IRX6: variants seen among roughly 807,000 people sequenced by gnomAD.
The protein encoded by IRX6 is iroquois-class homeodomain protein IRX-6.
IRX6 carries 46 observed loss-of-function variants against 47.7 expected under a neutral mutation model. The observed-to-expected ratio is 0.96, with a 90% CI of 0.76 to 1.23. The LOEUF is 1.23. Ranked by LOEUF, IRX6 falls within the 50% of genes most tolerant of loss-of-function variation. IRX6 has a pLI of 0.00. For synonymous variants in IRX6, 265 were observed against 246.2 expected (o/e 1.08, Z -0.72); for missense variants, 722 against 588.0 (o/e 1.23, Z -2.36).
In IRX6 at chr16:55,324,277, A is replaced by C. The variant is rs1960470318; in HGVS notation, c.-815A>C. On this transcript the variant is annotated 5_prime_UTR_variant, in exon 1 of 6. Transcript: ENST00000290552. This position sits in a 1 kb window ranked among gnomAD's most constrained non-coding sequence, Gnocchi z 4.4. ...CTCCCCCACGCGCCTCTGTTCACTC[A>C]GACTCCTGTCTCCCCTCTCCCCTCC... is the stretch of plus-strand genomic sequence containing the variant. 3.7e-5 allele frequency: 4 copies of C among 108,620 alleles called. No individual in the cohort carries two copies. In the Admixed American group the frequency reaches 5.2e-4, roughly 14 times the overall value. 6.7% of individuals were successfully genotyped at this position (108,620 alleles called of 1,614,324 possible).
rs1960503401 is a variant in IRX6, at chr16:55,325,545, GAGAGAGAGAGAGAGAGAAAGAA to G, written c.45+415_45+436del. On this transcript the variant is annotated intron_variant, in intron 1 of 5. Transcript: ENST00000290552. ...AAGGAAGGAAGGAGAGAGAGAGAGAGAGAGAGAGAGAGAGAGAAAGAAAGAGAAAGAAAGAAAGAAGGAAAGA... is the reference window on the plus strand; with the variant it reads ...AAGGAAGGAAGGAGAGAGAGAGAGAGAGAGAAAGAAAGAAAGAAGGAAAGA... Among the ~76,000 whole-genome samples, 12 of 12,118 alleles carry G rather than the reference GAGAGAGAGAGAGAGAGAAAGAA, an allele frequency of 9.9e-4. 5 individuals carry two copies. Among genetic ancestry groups the G allele is most frequent in the Admixed American group, 6.4e-3 (6 of 936 alleles). 7.9% of individuals were successfully genotyped at this position (12,118 alleles called of 152,430 possible). A position where few individuals can be genotyped will look rare whatever the true frequency, so the allele number is the denominator to read the frequency against.
Position 55,327,811 on chromosome 16 carries a change from G to C in IRX6, c.639G>C (p.Ala213=). The part of the protein sequence containing the change: ...RLKKENKMTW[A]PKNKGGEERK... The stretch of plus-strand genomic sequence containing the variant: ...AGAAAGAGAACAAAATGACATGGGC[G>C]CCCAAGAACAAAGGTGGGGAGGAGA... Residue 213 remains alanine (A), a synonymous_variant, in exon 4 of 6, where the codon GCG becomes GCC. Transcript: ENST00000290552. 1.9e-6 allele frequency: 3 copies of C among 1,613,022 alleles called. No homozygotes were observed. The highest frequency in any genetic ancestry group is 2.5e-6 in the Non-Finnish European group (3 of 1,179,852).
chr16:55,326,729 T>A, intron 2 of IRX6, 136 bp downstream of exon 2: 1 of 836,208 alleles, frequency 1.2e-6, no homozygotes, highest in Non-Finnish European at 1.8e-6. Flanking sequence ...AAAAATACAG[T>A]ACCTTACAGT....
rs763870755 is a variant in IRX6 at position 55,328,862 on chromosome 16, C to A, written c.884C>A (p.Pro295Gln). 6.2e-7 allele frequency: 1 copy of A among 1,612,892 alleles called. No individual in the cohort carries two copies. Among genetic ancestry groups the A allele is most frequent in the South Asian group, 1.1e-5 (1 of 91,082 alleles). The change falls in exon 5 of 6, where the codon CCG becomes CAG. Residue 295 changes from proline to glutamine, a missense_variant. By Grantham distance (76) the Pro-to-Gln change is moderately conservative. Coordinates refer to ENST00000290552, the MANE Select transcript of IRX6 (RefSeq NM_024335.3). ...FRKGAQSLPG[P>Q]CAAAREGRLE... ...AAGGGCGCGCAGTCACTGCCTGGGC[C>A]GTGCGCTGCAGCTCGAGAGGGCCGA...
chr16:55,330,261 AC>A, intron 5 of IRX6, 36 bp from the exon 6 acceptor site: 1 of 1,610,194 alleles, frequency 6.2e-7, no homozygotes, highest in Non-Finnish European at 8.5e-7. Flanking sequence ...TTGCCACTAA[AC>A]AGCCTTTGGG....
intron 4 of IRX6, among the ~76,000 whole-genome samples, chr16:55,328,349 C>T (rs1422030506): frequency 6.6e-6 from 1 of 152,166 alleles, no homozygotes; most frequent in Non-Finnish European, 1.5e-5. Flanking sequence ...ATAACAGCAG[C>T]CACTTGTAGA....
At chr16:55,327,468 G>T (rs1340921178) in intron 3 of IRX6, 63 bp downstream of exon 3, 3 of 1,569,644 alleles carry the variant, frequency 1.9e-6, no homozygotes, top group Non-Finnish European at 2.6e-6. Context: ...TGCCAAGGTA[G>T]GGTGGATGGC....
chr16:55,329,764 CTG>C (rs1478001496), intron 5 of IRX6, among the ~76,000 whole-genome samples: 1 of 152,218 alleles, frequency 6.6e-6, no homozygotes, highest in Non-Finnish European at 1.5e-5. Context: ...AAGTCTAAGA[CTG>C]TGGGCCAGAC....
chr16:55,325,192 T>C (rs1258721367), intron 1 of IRX6, 56 bp downstream of exon 1: 3 of 1,555,444 alleles, frequency 1.9e-6, no homozygotes, highest in Non-Finnish European at 2.7e-6. Flanking sequence ...GAGTGCCTAG[T>C]GCACGGCGCC....
chr16:55,328,721 C>G lies in IRX6; in HGVS notation c.743C>G (p.Ala248Gly). ...DTKEVTASQE[A>G]RGLRLSDLED... is the part of the protein sequence containing the mutation. ...GCAGAAGTTACTGCTAGCCAGGAGG[C>G]CCGGGGGCTCCGGCTGAGTGACCTG... Residue 248 changes from alanine to glycine, a missense_variant, in exon 5 of 6, where the codon GCC (alanine) becomes GGC (glycine). Coordinates refer to ENST00000290552, the MANE Select transcript of IRX6 (RefSeq NM_024335.3). The G allele has an allele frequency of 6.2e-7, 1 of 1,613,130 alleles. No homozygotes were observed. Among genetic ancestry groups the G allele is most frequent in the South Asian group, 1.1e-5 (1 of 91,050 alleles).
chr16:55,326,295 G>A (rs750787429), intron 1 of IRX6, 41 bp from the exon 2 acceptor site: 23 of 1,433,286 alleles, frequency 1.6e-5, no homozygotes, highest in Non-Finnish European at 2.2e-5. Flanking sequence ...GGGTGGGGGG[G>A]GGGTCTCTGA....
At chr16:55,329,735 G>A (rs1389109463) in intron 5 of IRX6, among the ~76,000 whole-genome samples, 5 of 152,206 alleles carry the variant, frequency 3.3e-5, no homozygotes, top group African/African-American at 9.7e-5. Context: ...GGGTTGGGCA[G>A]GCACCAGGGC....
In IRX6 at chr16:55,325,100, C is replaced by T. The variant is rs200077187; in HGVS notation, c.9C>T (p.Phe3=). The T allele has an allele frequency of 3.1e-6, 5 of 1,614,036 alleles. No individual in the cohort carries two copies. Among genetic ancestry groups the T allele is most frequent in the Non-Finnish European group, 4.2e-6 (5 of 1,180,004 alleles). The change falls in exon 1 of 6, where the codon TTC becomes TTT. Residue 3 remains phenylalanine, a synonymous_variant. Coordinates refer to ENST00000290552, the MANE Select transcript of IRX6 (RefSeq NM_024335.3). MS[F]PHFGHPYRGA... is the part of the protein sequence containing the mutation. The stretch of plus-strand genomic sequence containing the variant: ...GGCCAGGGACAGCCACCATGTCCTT[C>T]CCACACTTTGGACACCCGTACCGCG...
intron 5 of IRX6, 97 bp downstream of exon 5, chr16:55,329,408 C>T: frequency 6.9e-7 from 1 of 1,446,972 alleles, no homozygotes; most frequent in Non-Finnish European, 9.2e-7. Flanking sequence ...TCCAGTCTGC[C>T]CAGGTCTCCC....
At chr16:55,326,928 C>A in intron 2 of IRX6, 1 of 191,338 alleles carries the variant, frequency 5.2e-6, no homozygotes, top group Non-Finnish European at 9.4e-6. Context: ...GCAGGAAGTG[C>A]CCCAGCTGGT....
Position 55,326,371 on chromosome 16 carries a change from C to A in IRX6, c.81C>A (p.Cys27Ter). The change falls in exon 2 of 6, where the codon TGC becomes TGA. Residue 27 changes from cysteine to a stop codon, truncating the protein, a stop_gained. Coordinates refer to ENST00000290552, the MANE Select transcript of IRX6 (RefSeq NM_024335.3). LOFTEE classifies it high-confidence loss of function. ...LASASSSTTCCESTQRSVSDV... is the reference protein window; with the variant it reads ...LASASSSTTC ...CGGCAAGTTCCAGCACCACATGCTG[C>A]GAATCTACCCAACGCTCTGTCTCAG... The A allele has an allele frequency of 6.2e-7, 1 of 1,613,912 alleles. No homozygotes were observed. Among genetic ancestry groups the A allele is most frequent in the Non-Finnish European group, 8.5e-7 (1 of 1,179,954 alleles).
At position 55,324,916 on chromosome 16, in the gene IRX6, C is replaced by T. The variant is rs552133972; in HGVS notation, c.-176C>T. ...GGGGCGCCTTCCGGAGCGCAGGGCT[C>T]GGCAGCCGGGCTGCCCTCGGCTCTG... On this transcript the variant is annotated 5_prime_UTR_variant, in exon 1 of 6. Transcript: ENST00000290552. This position sits in a 1 kb window ranked among gnomAD's most constrained non-coding sequence, Gnocchi z 4.4. 2 of 644,350 alleles carry T rather than the reference C, an allele frequency of 3.1e-6. No individual in the cohort carries two copies. The highest frequency in any genetic ancestry group is 2.8e-5 in the East Asian group (1 of 36,066). The allele number at this position is 644,350 out of a possible 1,614,324, so 39.9% of individuals were successfully genotyped here.
chr16:55,329,231 A>C lies in IRX6; in HGVS notation c.1253A>C (p.Gln418Pro), dbSNP rs757173677. 2.5e-6 allele frequency: 4 copies of C among 1,613,938 alleles called. No individual in the cohort carries two copies. The highest frequency in any genetic ancestry group is 3.4e-6 in the Non-Finnish European group (4 of 1,180,042). Residue 418 changes from glutamine (Q) to proline (P), a missense_variant, in exon 5 of 6, where the codon CAG becomes CCG. By Grantham distance (76) the Gln-to-Pro change is moderately conservative (BLOSUM62 -1). Transcript: ENST00000290552. ...TTTGGAAACCCCAAGTTTGCCCTGC[A>C]GGGACTACCGCTGAACTGTGCGCCG... ...KAFGNPKFAL[Q>P]GLPLNCAPCP...
intron 5 of IRX6, 138 bp from the exon 6 acceptor site, chr16:55,330,160 G>T: frequency 5.3e-6 from 4 of 754,628 alleles, no homozygotes; most frequent in Non-Finnish European, 4.7e-6. Flanking sequence ...TTACGCAACG[G>T]ATCCAAACAT....
Sources: allele counts gnomAD v4.1 joint callset (sites outside exome capture counted in the v4.1 genomes callset), GRCh38; gene constraint gnomAD v4.1.1; non-coding constraint Gnocchi (gnomAD v3.1); transcripts MANE v1.5; gene names NCBI Gene and HGNC (gene_info 2026-07-23, HGNC 2026-07-21).